The following FAM120A variants were observed in gnomAD, a reference collection of about 807,000 sequenced individuals.
The protein encoded by FAM120A is constitutive coactivator of PPAR-gamma-like protein 1.
In FAM120A, 15 loss-of-function variants were observed where a neutral mutation model predicts 109.7. The observed-to-expected ratio is 0.14, with a 90% CI of 0.09 to 0.21. The LOEUF (loss-of-function observed/expected upper bound fraction) is 0.21, where lower values mean the gene tolerates loss of function less well. FAM120A is among the 10% of genes least tolerant of loss of function. FAM120A has a pLI of 1.00. For missense variants in FAM120A, 899 were observed against 1,439.3 expected (o/e 0.62, Z 6.07); for synonymous variants, 493 against 572.8 (o/e 0.86, Z 1.99).
At position 93,561,101 on chromosome 9, in the gene FAM120A, T is replaced by G. The variant is rs769523811; in HGVS notation, c.2807-8T>G. 6.2e-7 allele frequency: 1 copy of G among 1,612,670 alleles called. No homozygotes were observed. The highest frequency in any genetic ancestry group is 1.1e-5 in the South Asian group (1 of 90,924). On this transcript the variant is annotated splice_region_variant and splice_polypyrimidine_tract_variant and intron_variant, in intron 15 of 17. Coordinates refer to ENST00000277165, the MANE Select transcript of FAM120A (RefSeq NM_014612.5). ...AAGATTTTGTCTTTTTGTATATTTT[T>G]TATGCAGGAGTCCAACCTATACCTT...
At chr9:93,495,205 A>G (rs1859520952) in intron 3 of FAM120A, among the ~76,000 whole-genome samples, 1 of 152,224 alleles carries the variant, frequency 6.6e-6, no homozygotes, top group African/African-American at 2.4e-5. Context: ...TGTGGAGGGT[A>G]CCATCTCTAA....
In FAM120A at chr9:93,554,052, T is replaced by A. The variant is rs190518906; in HGVS notation, c.2275-2330T>A. Among the ~76,000 whole-genome samples, 63 of 150,668 alleles carry A rather than the reference T, an allele frequency of 4.2e-4. 1 individual carries two copies. Among genetic ancestry groups the A allele is most frequent in the African/African-American group, 1.5e-3 (62 of 41,020 alleles). On this transcript the variant is annotated intron_variant, in intron 12 of 17. Coordinates refer to ENST00000277165, the MANE Select transcript of FAM120A (RefSeq NM_014612.5). ...TTAATGCTAATTGAACCATTAATTA[T>A]CTTGAAACTATAAATAACATTTAAA...
Position 93,452,599 on chromosome 9 carries a change from C to T in FAM120A, c.474+210C>T, listed in dbSNP as rs1457119956. 5.0e-6 allele frequency: 8 copies of T among 1,598,672 alleles called. No homozygotes were observed. The highest frequency in any genetic ancestry group is 6.8e-6 in the Non-Finnish European group (8 of 1,179,610). On this transcript the variant is annotated intron_variant, in intron 1 of 17. Transcript: ENST00000277165. The surrounding 1 kb of genome is among the most constrained non-coding windows in gnomAD (Gnocchi z 7.0). ...CTGCCCAAGCCCGTCTCCAGCTGTC[C>T]CTGTTCGGGGTCCGCGGCCGCGTGG...
chr9:93,492,348 T>C (rs546123146), intron 3 of FAM120A, among the ~76,000 whole-genome samples: 13 of 152,326 alleles, frequency 8.5e-5, no homozygotes, highest in African/African-American at 3.1e-4. Flanking sequence ...AATAAAGATA[T>C]ATTACAACTC....
chr9:93,519,320 C>T (rs1304771922), intron 7 of FAM120A, among the ~76,000 whole-genome samples: 1 of 152,150 alleles, frequency 6.6e-6, no homozygotes, highest in Non-Finnish European at 1.5e-5. Flanking sequence ...CGGCTAACTG[C>T]AACCTCTGCC....
chr9:93,561,129 C>T lies in FAM120A; in HGVS notation c.2827C>T (p.Gln943Ter). Residue 943 changes from glutamine (Q) to a stop codon, truncating the protein, a stop_gained, in exon 16 of 18, where the codon CAG (glutamine) becomes TAG (stop). Coordinates refer to ENST00000277165, the MANE Select transcript of FAM120A (RefSeq NM_014612.5). LOFTEE classifies it high-confidence loss of function. The part of the protein sequence containing the change: ...SQGGVQPIPS[Q>*]GGKLEIAGTV... ...TGCAGGAGTCCAACCTATACCTTCT[C>T]AGGGAGGCAAACTAGAAATAGCTGG... 1 of 1,613,782 alleles carries T rather than the reference C, an allele frequency of 6.2e-7. No individual in the cohort carries two copies. Among genetic ancestry groups the T allele is most frequent in the Non-Finnish European group, 8.5e-7 (1 of 1,180,014 alleles).
At chr9:93,455,095 TAGC>T (rs2131187107) in intron 1 of FAM120A, among the ~76,000 whole-genome samples, 1 of 152,370 alleles carries the variant, frequency 6.6e-6, no homozygotes, top group Admixed American at 6.5e-5. Flanking sequence ...CAAATGTCCA[TAGC>T]AGCTTAATTC....
chr9:93,489,452 C>G (rs1266422515), intron 3 of FAM120A, among the ~76,000 whole-genome samples: 1 of 152,192 alleles, frequency 6.6e-6, no homozygotes, highest in South Asian at 2.1e-4. Context: ...GTAAAGAGAT[C>G]CTGTCACTGC....
At position 93,486,991 on chromosome 9, in the gene FAM120A, G is replaced by A. The variant is rs1381899867; in HGVS notation, c.805-10480G>A. On this transcript the variant is annotated intron_variant, in intron 3 of 17. Transcript: ENST00000277165. ...TTTTCTCCATCTTAGTGAGCTTAATGAGGTTTCTCATTTTTGTTTTGATTT... is the reference window on the plus strand; with the variant it reads ...TTTTCTCCATCTTAGTGAGCTTAATAAGGTTTCTCATTTTTGTTTTGATTT... 2.0e-5 allele frequency among the ~76,000 whole-genome samples: 3 copies of A among 152,104 alleles called. No individual in the cohort carries two copies. The East Asian group carries it at 5.8e-4, about 29-fold the overall frequency.
Position 93,500,519 on chromosome 9 carries a change from C to T in FAM120A, c.1030+1633C>T, listed in dbSNP as rs568580117. 6.6e-6 allele frequency among the ~76,000 whole-genome samples: 1 copy of T among 152,330 alleles called. No homozygotes were observed. Among genetic ancestry groups the T allele is most frequent in the Non-Finnish European group, 1.5e-5 (1 of 68,036 alleles). On this transcript the variant is annotated intron_variant, in intron 5 of 17. Transcript: ENST00000277165. The surrounding 1 kb of genome is among the most constrained non-coding windows in gnomAD (Gnocchi z 4.6). ...CTATTTGTCACCACCACCACCCCTT[C>T]CCCCGTCACTCCCCACAATGTAAAG...
At chr9:93,534,246 G>A (rs888034678) in intron 10 of FAM120A, among the ~76,000 whole-genome samples, 15 of 152,108 alleles carry the variant, frequency 9.9e-5, no homozygotes, top group Non-Finnish European at 1.3e-4. Context: ...TGCAGAGCAC[G>A]TAGGTGGTGG....
At chr9:93,491,648 C>T (rs570440286) in intron 3 of FAM120A, among the ~76,000 whole-genome samples, 1 of 152,192 alleles carries the variant, frequency 6.6e-6, no homozygotes, top group South Asian at 2.1e-4. Flanking sequence ...TCTTGACCTA[C>T]AAAGCAGGTA....
intron 7 of FAM120A, among the ~76,000 whole-genome samples, chr9:93,516,873 G>T (rs765169546): frequency 2.0e-5 from 3 of 152,146 alleles, no homozygotes; most frequent in Admixed American, 6.5e-5. Context: ...TCTTTAATTT[G>T]CACTCCTCCC....
At position 93,554,920 on chromosome 9, in the gene FAM120A, C is replaced by T. The variant is rs148192649; in HGVS notation, c.2275-1462C>T. ...AAGGGATTTGTGGTCATAATTTCTG[C>T]AGTGCAAGGGGCCAGGAGATGGGTG... On this transcript the variant is annotated intron_variant, in intron 12 of 17. Transcript: ENST00000277165. Among the ~76,000 whole-genome samples, 942 of 152,312 alleles carry T rather than the reference C, an allele frequency of 6.2e-3. 9 individuals are homozygous for T. Among genetic ancestry groups the T allele is most frequent in the African/African-American group, 0.022 (909 of 41,568 alleles).
intron 1 of FAM120A, among the ~76,000 whole-genome samples, chr9:93,459,560 G>A (rs1857697485): frequency 1.3e-5 from 2 of 152,204 alleles, no homozygotes; most frequent in African/African-American, 4.8e-5. Context: ...AACCTTCAGG[G>A]AGCCTATAGC....
At chr9:93,539,037 G>A (rs1041332086) in intron 10 of FAM120A, among the ~76,000 whole-genome samples, 4 of 140,736 alleles carry the variant, frequency 2.8e-5, no homozygotes, top group Admixed American at 7.3e-5. Context: ...TCACTCTGTC[G>A]CCCAGGCTGG....
At chr9:93,462,227 C>T (rs1042288593) in intron 1 of FAM120A, among the ~76,000 whole-genome samples, 1 of 152,094 alleles carries the variant, frequency 6.6e-6, no homozygotes, top group Non-Finnish European at 1.5e-5. Flanking sequence ...TAAAATACAC[C>T]TAACATAAAA....
intron 8 of FAM120A, 124 bp from the exon 9 acceptor site, chr9:93,529,229 C>G (rs1249087148): frequency 1.2e-6 from 1 of 842,608 alleles, no homozygotes; most frequent in Non-Finnish European, 1.8e-6. Flanking sequence ...AATCTGGTCT[C>G]TCTAAGACAG....
chr9:93,552,238 T>A (rs1862126381), intron 12 of FAM120A, among the ~76,000 whole-genome samples: 1 of 152,208 alleles, frequency 6.6e-6, no homozygotes, highest in Non-Finnish European at 1.5e-5. Flanking sequence ...CCTTTTCATT[T>A]TTGGATCAAC....
Sources: allele counts gnomAD v4.1 joint callset (sites outside exome capture counted in the v4.1 genomes callset), GRCh38; gene constraint gnomAD v4.1.1; non-coding constraint Gnocchi (gnomAD v3.1); transcripts MANE v1.5; gene names NCBI Gene and HGNC (gene_info 2026-07-23, HGNC 2026-07-21).